The following ERC2 variants were observed in gnomAD, a reference collection of about 807,000 sequenced individuals.
The protein encoded by ERC2 is ELKS/RAB6-interacting/CAST family member 2, also known as ERC protein 2.
Under a neutral mutation model 114.8 loss-of-function variants are expected in ERC2, and 42 were observed. The ratio of observed to expected loss-of-function variants is 0.37; its 90% CI spans 0.29 to 0.47. ERC2 has a LOEUF of 0.47. ERC2 is among the 20% of genes least tolerant of loss of function. ERC2 has a pLI of 0.99. For synonymous variants in ERC2, 454 were observed against 425.5 expected (o/e 1.07, Z -0.82); for missense variants, 939 against 1,150.7 (o/e 0.82, Z 2.66).
At chr3:56,376,390 G>A (rs112744402) in intron 2 of ERC2, among the ~76,000 whole-genome samples, 4,477 of 151,824 alleles carry the variant, frequency 0.029, 88 homozygotes, top group Middle Eastern at 0.068. Context: ...GTTGCAAATG[G>A]AAACCATCCC....
chr3:56,411,528 A>T (rs1038282358), intron 2 of ERC2, among the ~76,000 whole-genome samples: 1 of 152,132 alleles, frequency 6.6e-6, no homozygotes, highest in Non-Finnish European at 1.5e-5. Context: ...GTTTAAATGC[A>T]TCCCTCACAA....
chr3:56,085,425 G>A (rs1279859183), intron 6 of ERC2, among the ~76,000 whole-genome samples: 2 of 152,128 alleles, frequency 1.3e-5, no homozygotes, highest in African/African-American at 2.4e-5. Flanking sequence ...GGAGGAGAAC[G>A]GCAGATTCTT....
intron 13 of ERC2, among the ~76,000 whole-genome samples, chr3:55,895,570 C>G (rs888031237): frequency 3.3e-5 from 5 of 152,216 alleles, no homozygotes; most frequent in African/African-American, 1.2e-4. Flanking sequence ...TGCACCCATT[C>G]TGCACAATAT....
At chr3:56,183,334 T>C (rs1423203072) in intron 3 of ERC2, among the ~76,000 whole-genome samples, 4 of 152,240 alleles carry the variant, frequency 2.6e-5, no homozygotes, top group African/African-American at 9.6e-5. Context: ...TGAGATCCTG[T>C]CCTCTCCACT....
intron 15 of ERC2, among the ~76,000 whole-genome samples, chr3:55,729,280 G>C (rs549831284): frequency 6.6e-6 from 1 of 151,962 alleles, no homozygotes; most frequent in South Asian, 2.1e-4. Flanking sequence ...AAACACACAC[G>C]TACACTTCTG....
chr3:55,574,800 T>G (rs1441122858), intron 17 of ERC2, among the ~76,000 whole-genome samples: 1 of 152,182 alleles, frequency 6.6e-6, no homozygotes, highest in Non-Finnish European at 1.5e-5. Flanking sequence ...TTCTCTTCAG[T>G]GAGTCAGAGC....
intron 14 of ERC2, among the ~76,000 whole-genome samples, chr3:55,735,835 A>G (rs1267266761): frequency 6.6e-6 from 1 of 152,158 alleles, no homozygotes; most frequent in Non-Finnish European, 1.5e-5. Context: ...TTTTCAATGC[A>G]TTTAGTGATG....
chr3:55,605,501 A>G (rs905231280), intron 17 of ERC2, among the ~76,000 whole-genome samples: 3 of 152,196 alleles, frequency 2.0e-5, no homozygotes, highest in Admixed American at 2.0e-4. Context: ...TTCAATCTAT[A>G]ATGTGATGAT....
At chr3:55,528,320 G>A (rs1347870590) in intron 17 of ERC2, among the ~76,000 whole-genome samples, 1 of 152,226 alleles carries the variant, frequency 6.6e-6, no homozygotes, top group Non-Finnish European at 1.5e-5. Context: ...AAGATTCTTT[G>A]TAAACTAATA....
chr3:55,511,810 C>A lies in ERC2; in HGVS notation c.*40-534G>T, dbSNP rs1173036656. Among the ~76,000 whole-genome samples, 3 of 152,184 alleles carry A rather than the reference C, an allele frequency of 2.0e-5. 1 individual carries two copies. Among genetic ancestry groups the A allele is most frequent in the Admixed American group, 1.3e-4 (2 of 15,272 alleles). On this transcript the variant is annotated intron_variant, in intron 17 of 17. Transcript: ENST00000288221. The stretch of plus-strand genomic sequence containing the variant: ...ATTTACTGCCCTGGGGAACAGGTAT[C>A]CAGAAGCACCCCAAGGTTTCTCACT...
rs866164915 is a variant in ERC2 at position 56,434,955 on chromosome 3, G to A, written c.53C>T (p.Ser18Phe). 6.8e-6 allele frequency: 11 copies of A among 1,613,412 alleles called. No individual in the cohort carries two copies. Among genetic ancestry groups the A allele is most frequent in the Non-Finnish European group, 9.3e-6 (11 of 1,179,818 alleles). Reference sequence around the variant, plus strand: ...ACGAGGAGACCTTGGCAAACGAGGGGATCTGGAAGGGCTACCTTCCAGATT... The same window carrying A: ...ACGAGGAGACCTTGGCAAACGAGGGAATCTGGAAGGGCTACCTTCCAGATT... ...ITNLEGSPSR[S>F]PRLPRSPRLG... Residue 18 changes from serine (S) to phenylalanine (F), a missense_variant, in exon 2 of 18, where the codon TCC becomes TTC. Ser to Phe is a radical substitution (Grantham distance 155, BLOSUM62 -2). Transcript: ENST00000288221.
At chr3:55,850,464 TAA>T (rs1438271179) in intron 14 of ERC2, among the ~76,000 whole-genome samples, 1 of 152,090 alleles carries the variant, frequency 6.6e-6, no homozygotes, top group Admixed American at 6.5e-5. Flanking sequence ...AGGAAGAAGA[TAA>T]AGACATAGGA....
rs1025060277 is a variant in ERC2, at chr3:56,225,634, C to T, written c.1075-52114G>A. ...CTTGCCTGAATCACCCAACCCAAAC[C>T]GAAATCCTAAATTAGGCTTTTGTCT... On this transcript the variant is annotated intron_variant, in intron 3 of 17. Coordinates refer to ENST00000288221, the MANE Select transcript of ERC2 (RefSeq NM_015576.3). 3.3e-5 allele frequency among the ~76,000 whole-genome samples: 5 copies of T among 152,176 alleles called. No homozygotes were observed. The East Asian group carries it at 7.7e-4, about 23-fold the overall frequency.
chr3:56,044,227 C>A (rs755456198), intron 7 of ERC2, among the ~76,000 whole-genome samples: 3 of 152,112 alleles, frequency 2.0e-5, no homozygotes, highest in Non-Finnish European at 4.4e-5. Context: ...AGGGAGAATT[C>A]GTTTTGGGAA....
intron 14 of ERC2, among the ~76,000 whole-genome samples, chr3:55,833,323 G>T (rs199745259): frequency 0.16 from 23,212 of 145,836 alleles, 2,845 homozygotes; most frequent in African/African-American, 0.33. Flanking sequence ...TCAACAAAGT[G>T]GAAATGAAGG....
At chr3:55,799,369 TATATATATGCCTTATATATATATATGC>T (rs1362121712) in intron 14 of ERC2, among the ~76,000 whole-genome samples, 14 of 148,246 alleles carry the variant, frequency 9.4e-5, no homozygotes, top group African/African-American at 3.2e-4. Flanking sequence ...TTCTTATATA[TATATATATGCCTTATATATATATATGC>T]ATATATATAT....
At chr3:55,587,856 T>C (rs993407758) in intron 17 of ERC2, among the ~76,000 whole-genome samples, 1 of 152,270 alleles carries the variant, frequency 6.6e-6, no homozygotes, top group African/African-American at 2.4e-5. Flanking sequence ...ATCAAACCCA[T>C]TTCACAGCCA....
intron 14 of ERC2, among the ~76,000 whole-genome samples, chr3:55,839,122 A>T (rs2061021427): frequency 6.6e-6 from 1 of 151,830 alleles, no homozygotes; most frequent in Admixed American, 6.6e-5. Context: ...AACAAAGATA[A>T]GGATAACAGA....
chr3:55,758,201 TA>T (rs1259348925), intron 14 of ERC2, among the ~76,000 whole-genome samples: 14 of 152,224 alleles, frequency 9.2e-5, no homozygotes, highest in Non-Finnish European at 1.8e-4. Flanking sequence ...ATATTTCATC[TA>T]AAAATCTTTT....
Sources: allele counts gnomAD v4.1 joint callset (sites outside exome capture counted in the v4.1 genomes callset), GRCh38; gene constraint gnomAD v4.1.1; transcripts MANE v1.5; gene names NCBI Gene and HGNC (gene_info 2026-07-23, HGNC 2026-07-21).